Variants in SEC31A observed in about 807,000 individuals in gnomAD.
SEC31A encodes protein transport protein Sec31A.
Under a neutral mutation model 151.0 loss-of-function variants are expected in SEC31A, and 70 were observed. That is an observed-to-expected ratio of 0.46 (90% CI 0.38 to 0.57). The LOEUF (loss-of-function observed/expected upper bound fraction) is 0.57. SEC31A is among the 20% of genes least tolerant of loss of function. The pLI, the probability that SEC31A is intolerant of heterozygous loss-of-function variation, is 0.00. For missense variants in SEC31A, 1,330 were observed against 1,471.2 expected (o/e 0.90, Z 1.57); for synonymous variants, 475 against 505.9 (o/e 0.94, Z 0.82).
rs1560603781 is a variant in SEC31A, at chr4:82,842,446, CT to C, written c.2661del (p.Ser890GlnfsTer112). On this transcript the variant is annotated frameshift_variant, in exon 22 of 27. Transcript: ENST00000395310. LOFTEE classifies it high-confidence loss of function. ...YQPAQPYPFG[T>X]GGSAMYRPQQ... is the part of the protein sequence containing the mutation. ...TGAGGTCGATACATTGCTGACCCCC[CT>C]GTTCCGAAGGGATACGGCTGGGCTG... The C allele has an allele frequency of 6.2e-7, 1 of 1,613,486 alleles. No homozygotes were observed. The highest frequency in any genetic ancestry group is 1.1e-5 in the South Asian group (1 of 90,886).
upstream of SEC31A, among the ~76,000 whole-genome samples, chr4:82,891,822 A>G (rs796085740): frequency 9.2e-5 from 14 of 152,350 alleles, no homozygotes; most frequent in African/African-American, 3.4e-4. Context: ...CCACAACCTC[A>G]AATCTAATTA....
chr4:82,865,294 C>T (rs1735057639), intron 10 of SEC31A, among the ~76,000 whole-genome samples: 1 of 151,900 alleles, frequency 6.6e-6, no homozygotes, highest in African/African-American at 2.4e-5. Flanking sequence ...CCTTGTGCAC[C>T]ACTAGTGAGA....
intron 1 of SEC31A, among the ~76,000 whole-genome samples, chr4:82,884,242 G>A (rs1479945525): frequency 6.6e-6 from 1 of 151,906 alleles, no homozygotes; most frequent in Non-Finnish European, 1.5e-5. Flanking sequence ...ACCTTCCTCA[G>A]CCTCCCAAAG....
chr4:82,869,411 T>G (rs1348128376), intron 8 of SEC31A, among the ~76,000 whole-genome samples: 2 of 152,098 alleles, frequency 1.3e-5, no homozygotes, highest in Non-Finnish European at 2.9e-5. Context: ...ATTACAGGCC[T>G]GAGCCACTGC....
Position 82,844,525 on chromosome 4 carries a change from A to G in SEC31A, c.2503-16T>C, listed in dbSNP as rs1489453044. 4 of 1,612,278 alleles carry G rather than the reference A, an allele frequency of 2.5e-6. No individual in the cohort carries two copies. The highest frequency in any genetic ancestry group is 1.3e-5 in the African/African-American group (1 of 74,900). The stretch of plus-strand genomic sequence containing the variant: ...GATTTTCTCCCTAAGAAACAAGAAC[A>G]TGGTAAGAAGGCGGATACAAGTAGA... On this transcript the variant is annotated splice_polypyrimidine_tract_variant and intron_variant, in intron 20 of 26. Transcript: ENST00000395310.
intron 26 of SEC31A, among the ~76,000 whole-genome samples, chr4:82,820,108 G>C (rs1297735833): frequency 6.8e-6 from 1 of 147,460 alleles, no homozygotes. Context: ...TACTCATCTA[G>C]ATGTATACGC....
chr4:82,862,762 T>A (rs899452196), intron 12 of SEC31A, among the ~76,000 whole-genome samples, 190 bp from the exon 13 acceptor site: 3 of 152,238 alleles, frequency 2.0e-5, no homozygotes, highest in Non-Finnish European at 4.4e-5. Flanking sequence ...TGGAAGTAAT[T>A]AGAAATAATC....
At chr4:82,867,596 T>C (rs1735679950) in intron 8 of SEC31A, among the ~76,000 whole-genome samples, 1 of 152,284 alleles carries the variant, frequency 6.6e-6, no homozygotes, top group Non-Finnish European at 1.5e-5. Context: ...AAATAATGGA[T>C]GCATTTGAAA....
chr4:82,857,669 C>A lies in SEC31A; in HGVS notation c.1702+20G>T, dbSNP rs754135025. The A allele has an allele frequency of 2.1e-5, 31 of 1,481,174 alleles. No individual in the cohort carries two copies. Among genetic ancestry groups the A allele is most frequent in the Admixed American group, 3.7e-5 (2 of 54,718 alleles). The allele number at this position is 1,481,174 out of a possible 1,614,324, so 91.8% of individuals were successfully genotyped here. A position where few individuals can be genotyped will look rare whatever the true frequency, so the allele number is the denominator to read the frequency against. Reference sequence around the variant, plus strand: ...CCAATGGTTAAAAAAAATTAGAAATCAAAACCAACAAGTACTTACCCCCAC... The same window carrying A: ...CCAATGGTTAAAAAAAATTAGAAATAAAAACCAACAAGTACTTACCCCCAC... On this transcript the variant is annotated intron_variant, in intron 15 of 26. Coordinates refer to ENST00000395310, the MANE Select transcript of SEC31A (RefSeq NM_001077207.4).
rs1352859492 is a variant in SEC31A, at chr4:82,824,610, A to C, written c.3356T>G (p.Leu1119Arg). 2 of 1,614,126 alleles carry C rather than the reference A, an allele frequency of 1.2e-6. No individual in the cohort carries two copies. ...KKPIPDEHLI[L>R]KTTFEDLIQR... ...AATAAGATCCTCAAATGTGGTCTTTAGAATGAGGTGCTCATCTGGAATAGG... is the reference window on the plus strand; with the variant it reads ...AATAAGATCCTCAAATGTGGTCTTTCGAATGAGGTGCTCATCTGGAATAGG... The change falls in exon 25 of 27, where the codon CTA becomes CGA. Residue 1119 changes from leucine to arginine, a missense_variant. By Grantham distance (102) the Leu-to-Arg change is moderately radical (BLOSUM62 -2). Transcript: ENST00000395310.
chr4:82,887,870 C>T (rs1274334545), intron 1 of SEC31A, among the ~76,000 whole-genome samples: 2 of 150,766 alleles, frequency 1.3e-5, no homozygotes, highest in Non-Finnish European at 3.0e-5. Context: ...CACGGTGAAA[C>T]CCCGTCTCTA....
intron 25 of SEC31A, among the ~76,000 whole-genome samples, chr4:82,822,220 A>G (rs1449675296): frequency 6.6e-6 from 1 of 152,184 alleles, no homozygotes; most frequent in Non-Finnish European, 1.5e-5. Context: ...CTCATATCCC[A>G]CTGGGTGAGA....
intron 22 of SEC31A, among the ~76,000 whole-genome samples, chr4:82,831,793 A>G (rs545744778): frequency 2.0e-5 from 3 of 152,336 alleles, no homozygotes; most frequent in African/African-American, 7.2e-5. Context: ...CAGATTTATG[A>G]GTGAACTCCC....
intron 1 of SEC31A, among the ~76,000 whole-genome samples, chr4:82,890,159 G>T (rs370922329): frequency 3.0e-5 from 4 of 135,578 alleles, no homozygotes; most frequent in Non-Finnish European, 4.6e-5. Flanking sequence ...CTGAGATCGC[G>T]CCACTGCACT....
chr4:82,891,740 AGTACC>A (rs1719784305), upstream of SEC31A, among the ~76,000 whole-genome samples: 1 of 152,132 alleles, frequency 6.6e-6, no homozygotes, highest in Non-Finnish European at 1.5e-5. Flanking sequence ...AATTCCAATT[AGTACC>A]GTTTCATACT....
rs1724635195 is a variant in SEC31A at position 82,826,589 on chromosome 4, G to A, written c.3291+780C>T. On this transcript the variant is annotated intron_variant, in intron 24 of 26. Coordinates refer to ENST00000395310, the MANE Select transcript of SEC31A (RefSeq NM_001077207.4). Reference sequence around the variant, plus strand: ...GCTGGTCTCCAACTCCTGACCTCAGGTGATCCACCCGCCTCGGCTTCCCAA... The same window carrying A: ...GCTGGTCTCCAACTCCTGACCTCAGATGATCCACCCGCCTCGGCTTCCCAA... 5.9e-5 allele frequency among the ~76,000 whole-genome samples: 9 copies of A among 152,338 alleles called. No individual in the cohort carries two copies. The South Asian group carries it at 1.9e-3, about 32-fold the overall frequency.
At chr4:82,829,636 A>G (rs952405883) in intron 22 of SEC31A, among the ~76,000 whole-genome samples, 3 of 152,184 alleles carry the variant, frequency 2.0e-5, no homozygotes, top group Non-Finnish European at 4.4e-5. Context: ...AGCAAAGTAA[A>G]AAAGGGTATT....
At chr4:82,868,208 C>A (rs1034317942) in intron 8 of SEC31A, among the ~76,000 whole-genome samples, 1 of 152,060 alleles carries the variant, frequency 6.6e-6, no homozygotes, top group Admixed American at 6.6e-5. Flanking sequence ...TAGAAAATGA[C>A]CTACATGAGG....
intron 21 of SEC31A, 51 bp from the exon 22 acceptor site, chr4:82,842,532 G>T: frequency 7.3e-7 from 1 of 1,378,826 alleles, no homozygotes. Context: ...AGTTTATTCA[G>T]ATAGTAGCAG....
Sources: allele counts gnomAD v4.1 joint callset (sites outside exome capture counted in the v4.1 genomes callset), GRCh38; gene constraint gnomAD v4.1.1; transcripts MANE v1.5; gene names NCBI Gene and HGNC (gene_info 2026-07-23, HGNC 2026-07-21).